The following NPAS3 variants were observed in gnomAD, a reference collection of about 807,000 sequenced individuals.
NPAS3 encodes neuronal PAS domain protein 3.
In NPAS3, 14 loss-of-function variants were observed where a neutral mutation model predicts 73.1. That is an observed-to-expected ratio of 0.19 (90% confidence interval 0.13 to 0.30). NPAS3 has a LOEUF of 0.30. Ranked by LOEUF, NPAS3 falls within the 10% of genes least tolerant of loss-of-function variation. The pLI, the probability that NPAS3 is intolerant of heterozygous loss-of-function variation, is 1.00. For missense variants in NPAS3, 1,096 were observed against 1,250.0 expected, an observed-to-expected ratio of 0.88 and a Z score of 1.86; for synonymous variants, 620 against 541.5, an observed-to-expected ratio of 1.14 and a Z score of -2.01.
chr14:33,317,311 T>C (rs74042029), intron 3 of NPAS3, among the ~76,000 whole-genome samples: 3,949 of 152,192 alleles, frequency 0.026, 157 homozygotes, highest in African/African-American at 0.089. Context: ...TTCGTGGTAC[T>C]GTTTTCTTCT....
intron 3 of NPAS3, among the ~76,000 whole-genome samples, chr14:33,345,800 C>T (rs1475372703): frequency 1.3e-5 from 2 of 152,172 alleles, no homozygotes; most frequent in Non-Finnish European, 2.9e-5. Context: ...CGCATATCAG[C>T]TAAGTACTTA....
Position 33,778,456 on chromosome 14 carries a change from C to T in NPAS3, c.1047-10C>T, listed in dbSNP as rs538958798. ...TTTCTGAATTCCAGCCTGTGTTCTT[C>T]TCTTTGTAGGATTAGTGATTATATG... On this transcript the variant is annotated splice_polypyrimidine_tract_variant and intron_variant, in intron 8 of 11. Coordinates refer to ENST00000356141, the Ensembl canonical transcript of NPAS3. 30 of 1,570,290 alleles carry T rather than the reference C, an allele frequency of 1.9e-5. No individual in the cohort carries two copies. The Middle Eastern group carries it at 8.4e-4, about 44-fold the overall frequency.
intron 4 of NPAS3, among the ~76,000 whole-genome samples, chr14:33,403,310 A>G (rs952136826): frequency 3.3e-5 from 5 of 151,940 alleles, no homozygotes; most frequent in African/African-American, 1.2e-4. Context: ...AGCATAAGAA[A>G]TGTGGATCTC....
intron 2 of NPAS3, among the ~76,000 whole-genome samples, chr14:33,142,278 T>C (rs1464049656): frequency 7.1e-6 from 1 of 140,122 alleles, no homozygotes; most frequent in African/African-American, 2.6e-5. Context: ...TAAAAAGGAA[T>C]ACTTCCCTAT....
intron 9 of NPAS3, among the ~76,000 whole-genome samples, chr14:33,779,248 G>A (rs2062910505): frequency 6.6e-6 from 1 of 152,226 alleles, no homozygotes; most frequent in Non-Finnish European, 1.5e-5. Flanking sequence ...GAGCAAAGCA[G>A]GAGCATCAGT....
intron 2 of NPAS3, among the ~76,000 whole-genome samples, chr14:33,182,714 C>T (rs532513359): frequency 1.3e-5 from 2 of 152,160 alleles, no homozygotes; most frequent in South Asian, 4.2e-4. Flanking sequence ...CTGGTTCTGC[C>T]CAGCCGGTCC....
intron 2 of NPAS3, among the ~76,000 whole-genome samples, chr14:33,074,047 T>A (rs1259027628): frequency 6.6e-6 from 1 of 152,230 alleles, no homozygotes. Flanking sequence ...CCCAGTATGC[T>A]GGCTGTGGTT....
At chr14:33,240,177 A>G (rs1473852842) in intron 3 of NPAS3, among the ~76,000 whole-genome samples, 5 of 151,856 alleles carry the variant, frequency 3.3e-5, no homozygotes, top group African/African-American at 7.2e-5. Flanking sequence ...TGCAATATAT[A>G]AGATTTCTAA....
chr14:33,767,079 G>C (rs1180035704), intron 7 of NPAS3, among the ~76,000 whole-genome samples: 1 of 152,196 alleles, frequency 6.6e-6, no homozygotes, highest in Admixed American at 6.5e-5. Flanking sequence ...CATGGCGCTT[G>C]CATCTGTGGA....
At chr14:32,939,255 G>GC, upstream of NPAS3, 3 of 405,152 alleles carry the variant, frequency 7.4e-6, no homozygotes, top group Middle Eastern at 5.6e-4. Context: ...GCCCGCCCAC[G>GC]CCCCCCACCC....
chr14:33,774,503 A>C, exon 8 of NPAS3: 1 of 1,614,010 alleles, frequency 6.2e-7, no homozygotes, highest in Non-Finnish European at 8.5e-7. Context: ...GTAAATATGG[A>C]CCTCAATATC....
chr14:33,429,806 G>T (rs1234517455), intron 4 of NPAS3, among the ~76,000 whole-genome samples: 1 of 152,072 alleles, frequency 6.6e-6, no homozygotes, highest in Non-Finnish European at 1.5e-5. Flanking sequence ...TGTGCTGCCT[G>T]GCTCTCCACT....
intron 1 of NPAS3, among the ~76,000 whole-genome samples, chr14:32,961,663 C>T (rs952407652): frequency 1.3e-5 from 2 of 152,086 alleles, no homozygotes; most frequent in Non-Finnish European, 2.9e-5. Flanking sequence ...ACCATGAATG[C>T]AACATTTCTT....
chr14:32,980,788 A>C (rs2037865066), intron 1 of NPAS3, among the ~76,000 whole-genome samples: 1 of 152,190 alleles, frequency 6.6e-6, no homozygotes, highest in Admixed American at 6.5e-5. Context: ...TGGTTTCTAT[A>C]ACTGCCATGA....
chr14:33,626,498 C>T (rs2058223774), intron 5 of NPAS3, among the ~76,000 whole-genome samples: 1 of 152,158 alleles, frequency 6.6e-6, no homozygotes, highest in Non-Finnish European at 1.5e-5. Context: ...TAGCAATATT[C>T]CCCAGGGTGA....
At chr14:33,178,107 G>C (rs1038036177) in intron 2 of NPAS3, among the ~76,000 whole-genome samples, 2 of 121,320 alleles carry the variant, frequency 1.6e-5, no homozygotes, top group East Asian at 2.5e-4. Context: ...ACAGAGTCTT[G>C]CTCTGTCGCC....
chr14:33,771,251 T>C (rs1263893230), intron 7 of NPAS3, among the ~76,000 whole-genome samples: 1 of 152,218 alleles, frequency 6.6e-6, no homozygotes, highest in Non-Finnish European at 1.5e-5. Context: ...AATATGTTAA[T>C]TTAAACCTAA....
intron 9 of NPAS3, among the ~76,000 whole-genome samples, chr14:33,789,841 G>A (rs575058750): frequency 1.3e-5 from 2 of 151,694 alleles, no homozygotes; most frequent in Non-Finnish European, 2.9e-5. Flanking sequence ...CGCCCGCCTC[G>A]GCCTCCCAAA....
At chr14:33,603,907 A>G (rs1240391074) in intron 5 of NPAS3, among the ~76,000 whole-genome samples, 1 of 152,162 alleles carries the variant, frequency 6.6e-6, no homozygotes, top group Non-Finnish European at 1.5e-5. Flanking sequence ...AGGAGGGGAA[A>G]AAAGAAGTAT....
Sources: allele counts gnomAD v4.1 joint callset (sites outside exome capture counted in the v4.1 genomes callset), GRCh38; gene constraint gnomAD v4.1.1; transcripts MANE v1.5; gene names NCBI Gene and HGNC (gene_info 2026-07-23, HGNC 2026-07-21).